EPHA6: variants seen among roughly 807,000 people sequenced by gnomAD.
The protein encoded by EPHA6 is EPH receptor A6, also known as ephrin type-A receptor 6.
Under a neutral mutation model 112.0 loss-of-function variants are expected in EPHA6, and 50 were observed. The ratio of observed to expected loss-of-function variants is 0.45; its 90% CI spans 0.36 to 0.56. The LOEUF (loss-of-function observed/expected upper bound fraction) is 0.56, where lower values mean the gene tolerates loss of function less well. EPHA6 is among the 20% of genes least tolerant of loss of function. EPHA6 has a pLI of 0.00. For synonymous variants in EPHA6, 529 were observed against 490.7 expected (o/e 1.08, Z -1.03); for missense variants, 1,280 against 1,417.4 (o/e 0.90, Z 1.56).
chr3:97,013,023 A>C (rs1188873525), intron 3 of EPHA6, among the ~76,000 whole-genome samples: 1 of 152,134 alleles, frequency 6.6e-6, no homozygotes, highest in Non-Finnish European at 1.5e-5. Flanking sequence ...TAGTTTGCAA[A>C]TATACTCTCC....
chr3:96,951,821 T>C (rs531421707), intron 2 of EPHA6, among the ~76,000 whole-genome samples: 8 of 152,286 alleles, frequency 5.3e-5, no homozygotes, highest in African/African-American at 1.9e-4. Context: ...GAGTATGTTA[T>C]TTATGCAAAC....
intron 14 of EPHA6, among the ~76,000 whole-genome samples, chr3:97,646,799 T>C (rs1184515326): frequency 6.6e-6 from 1 of 152,162 alleles, no homozygotes; most frequent in Non-Finnish European, 1.5e-5. Flanking sequence ...TTACTTCTTA[T>C]AGATAATTAG....
chr3:97,106,012 A>G (rs2047556637), intron 3 of EPHA6, among the ~76,000 whole-genome samples: 1 of 152,074 alleles, frequency 6.6e-6, no homozygotes, highest in African/African-American at 2.4e-5. Flanking sequence ...CAGATTTTCC[A>G]TGATCCCTTT....
chr3:97,052,776 C>G (rs932976427), intron 3 of EPHA6, among the ~76,000 whole-genome samples: 1 of 151,982 alleles, frequency 6.6e-6, no homozygotes, highest in South Asian at 2.1e-4. Context: ...CTGTTTCTAC[C>G]AATAACACTT....
At chr3:97,500,938 T>A (rs1001416309) in intron 10 of EPHA6, among the ~76,000 whole-genome samples, 1 of 152,274 alleles carries the variant, frequency 6.6e-6, no homozygotes, top group African/African-American at 2.4e-5. Flanking sequence ...AATAGCAATT[T>A]TTTTTCTAGT....
At chr3:97,204,850 C>A (rs1467700340) in intron 3 of EPHA6, among the ~76,000 whole-genome samples, 1 of 152,082 alleles carries the variant, frequency 6.6e-6, no homozygotes, top group Non-Finnish European at 1.5e-5. Context: ...TTACAACAGG[C>A]ATTTTGCCTA....
chr3:97,551,439 A>G (rs528128726), intron 11 of EPHA6, among the ~76,000 whole-genome samples: 9 of 152,230 alleles, frequency 5.9e-5, no homozygotes, highest in South Asian at 2.1e-4. Context: ...TCTCATCACA[A>G]TTGTCAAACA....
At chr3:97,057,923 G>T (rs2045901101) in intron 3 of EPHA6, among the ~76,000 whole-genome samples, 1 of 151,992 alleles carries the variant, frequency 6.6e-6, no homozygotes, top group Non-Finnish European at 1.5e-5. Context: ...TGAATCATCT[G>T]CTTTTATTCT....
intron 1 of EPHA6, among the ~76,000 whole-genome samples, chr3:96,833,338 A>T (rs1009266947): frequency 2.6e-5 from 4 of 151,630 alleles, no homozygotes; most frequent in African/African-American, 9.7e-5. Context: ...CACACAAAAA[A>T]CTAGGAAGGA....
intron 5 of EPHA6, among the ~76,000 whole-genome samples, chr3:97,257,438 C>G (rs1459928480): frequency 2.6e-5 from 4 of 151,964 alleles, no homozygotes; most frequent in Non-Finnish European, 5.9e-5. Flanking sequence ...TACAAAAAAA[C>G]TTCACTCTTG....
intron 4 of EPHA6, among the ~76,000 whole-genome samples, chr3:97,241,360 T>C (rs867573674): frequency 3.3e-5 from 5 of 151,854 alleles, no homozygotes; most frequent in South Asian, 2.1e-4. Flanking sequence ...TCTTTCTGTG[T>C]GAATTAGTTG....
chr3:97,003,967 T>C (rs1211356481), intron 3 of EPHA6, among the ~76,000 whole-genome samples: 1 of 152,200 alleles, frequency 6.6e-6, no homozygotes, highest in African/African-American at 2.4e-5. Context: ...GCAAAGGACA[T>C]GGTCTCATTC....
At chr3:97,118,775 C>A (rs1232515349) in intron 3 of EPHA6, among the ~76,000 whole-genome samples, 2 of 151,880 alleles carry the variant, frequency 1.3e-5, no homozygotes, top group African/African-American at 2.4e-5. Context: ...GTACTAGCAA[C>A]AAATATAGAG....
At chr3:97,014,591 G>C (rs1460018419) in intron 3 of EPHA6, among the ~76,000 whole-genome samples, 3 of 152,106 alleles carry the variant, frequency 2.0e-5, no homozygotes, top group Non-Finnish European at 4.4e-5. Flanking sequence ...CTTAGGAAAG[G>C]ACTGCGATGT....
rs1027177455 is a variant in EPHA6 at position 97,760,388 on chromosome 3, ATGTATGTG to A, written c.*11701_*11708del. ...ATATATACCATATGTATATATACAT[ATGTATGTG>A]TGTATGTGTGTATATATATCTCTCT... is the stretch of plus-strand genomic sequence containing the variant. On this transcript the variant is annotated 3_prime_UTR_variant, in exon 18 of 18. Coordinates refer to ENST00000389672, the MANE Select transcript of EPHA6 (RefSeq NM_001080448.3). 80 of 161,816 alleles carry A rather than the reference ATGTATGTG, an allele frequency of 4.9e-4. No homozygotes were observed. Among genetic ancestry groups the A allele is most frequent in the African/African-American group, 1.8e-3 (73 of 41,254 alleles). The allele number at this position is 161,816 out of a possible 1,614,324, so 10.0% of individuals were successfully genotyped here. A position where few individuals can be genotyped will look rare whatever the true frequency, so the allele number is the denominator to read the frequency against.
intron 1 of EPHA6, among the ~76,000 whole-genome samples, chr3:96,853,299 G>A (rs1311335683): frequency 1.3e-5 from 2 of 152,058 alleles, no homozygotes; most frequent in African/African-American, 2.4e-5. Context: ...AACCAAATAG[G>A]AGGTCTGTAG....
At chr3:97,020,599 T>C (rs565737144) in intron 3 of EPHA6, among the ~76,000 whole-genome samples, 5 of 152,234 alleles carry the variant, frequency 3.3e-5, no homozygotes, top group Non-Finnish European at 5.9e-5. Flanking sequence ...GGTCATGATG[T>C]GATAAATGCT....
chr3:97,100,028 CAAGTTAA>C lies in EPHA6; in HGVS notation c.1114+112040_1114+112046del. 2.0e-5 allele frequency among the ~76,000 whole-genome samples: 3 copies of C among 151,878 alleles called. No individual in the cohort carries two copies. The East Asian group carries it at 5.8e-4, about 30-fold the overall frequency. On this transcript the variant is annotated intron_variant, in intron 3 of 17. Transcript: ENST00000389672. ...TGTGTATGTGTATTTTTGTAGATAG[CAAGTTAA>C]AAGTCACTATACAAGGCCACAGTTT...
chr3:96,916,920 T>G (rs1215669496), intron 2 of EPHA6, among the ~76,000 whole-genome samples: 1 of 152,182 alleles, frequency 6.6e-6, no homozygotes, highest in Admixed American at 6.6e-5. Context: ...ACTTAAGTAG[T>G]CTAATGCCTG....
Sources: allele counts gnomAD v4.1 joint callset (sites outside exome capture counted in the v4.1 genomes callset), GRCh38; gene constraint gnomAD v4.1.1; transcripts MANE v1.5; gene names NCBI Gene and HGNC (gene_info 2026-07-23, HGNC 2026-07-21).